Variants in EFNB2 observed in about 807,000 individuals in gnomAD.
The protein encoded by EFNB2 is ephrin B2, also known as ephrin-B2.
In EFNB2, 5 loss-of-function variants were observed where a neutral mutation model predicts 32.1. The ratio of observed to expected loss-of-function variants is 0.16; its 90% CI spans 0.08 to 0.33. EFNB2 has a LOEUF of 0.33. Ranked by LOEUF, EFNB2 falls within the 10% of genes least tolerant of loss-of-function variation. The pLI, the probability that EFNB2 is intolerant of heterozygous loss-of-function variation, is 1.00. For synonymous variants in EFNB2, 168 were observed against 166.5 expected (o/e 1.01, Z -0.07); for missense variants, 263 against 422.6 (o/e 0.62, Z 3.31).
intron 2 of EFNB2, among the ~76,000 whole-genome samples, chr13:106,504,953 GAATT>G (rs900650902): frequency 5.9e-5 from 9 of 152,086 alleles, no homozygotes; most frequent in Admixed American, 1.3e-4. Context: ...TGAAAAAATG[GAATT>G]AAGAGTATGT....
intron 1 of EFNB2, among the ~76,000 whole-genome samples, chr13:106,522,071 C>T (rs572483964): frequency 6.6e-6 from 1 of 151,230 alleles, no homozygotes; most frequent in Non-Finnish European, 1.5e-5. Context: ...AAAAACCACA[C>T]ACGCACCCCA....
At chr13:106,528,480 A>AAC (rs11432729) in intron 1 of EFNB2, among the ~76,000 whole-genome samples, 12 of 148,350 alleles carry the variant, frequency 8.1e-5, no homozygotes, top group African/African-American at 2.0e-4. Context: ...TAAAAAAAAA[A>AAC]AACAACAACA....
intron 1 of EFNB2, among the ~76,000 whole-genome samples, chr13:106,528,457 C>T (rs1879770248): frequency 6.8e-6 from 1 of 146,882 alleles, no homozygotes; most frequent in African/African-American, 2.6e-5. Flanking sequence ...TAGAAGGGCC[C>T]TATGCTGCTC....
chr13:106,510,418 G>A (rs1054973482), intron 2 of EFNB2, among the ~76,000 whole-genome samples: 4 of 152,108 alleles, frequency 2.6e-5, no homozygotes, highest in East Asian at 3.9e-4. Flanking sequence ...TTCCACTTGC[G>A]CCCAGTGCGA....
rs1453504071 is a variant in EFNB2, at chr13:106,491,213, T to G, written c.*1827A>C. The G allele has an allele frequency of 3.9e-5, 6 of 152,718 alleles. No homozygotes were observed. The East Asian group carries it at 9.7e-4, about 25-fold the overall frequency. The allele number at this position is 152,718 out of a possible 1,614,324, so 9.5% of individuals were successfully genotyped here. ...CGCAGAAATAAACGCCGGAACATCT[T>G]GTCATTGTTAAATATATGATGCAGT... is the stretch of plus-strand genomic sequence containing the variant. On this transcript the variant is annotated 3_prime_UTR_variant, in exon 5 of 5. Transcript: ENST00000646441.
intron 3 of EFNB2, 123 bp from the exon 4 acceptor site, chr13:106,495,117 T>A: frequency 1.4e-6 from 1 of 725,044 alleles, no homozygotes; most frequent in Non-Finnish European, 2.3e-6. Flanking sequence ...TGCAAAGTAC[T>A]GTGAAATACA....
chr13:106,505,842 G>A (rs1016559008), intron 2 of EFNB2, among the ~76,000 whole-genome samples: 2 of 152,134 alleles, frequency 1.3e-5, no homozygotes, highest in African/African-American at 4.8e-5. Flanking sequence ...GTTTTATTCT[G>A]AGCAATTCCT....
At position 106,493,436 on chromosome 13, in the gene EFNB2, C is replaced by T. The variant is rs553183986; in HGVS notation, c.614-8G>A. ...TGCCGTCTGTGCTAGAACCTGCAGA[C>T]GCGGAGACAGAAAAGGTCAGAGATA... On this transcript the variant is annotated splice_polypyrimidine_tract_variant and splice_region_variant and intron_variant, in intron 4 of 4. Coordinates refer to ENST00000646441, the MANE Select transcript of EFNB2 (RefSeq NM_004093.4). The surrounding 1 kb of genome is among the most constrained non-coding windows in gnomAD (Gnocchi z 6.1). 138 of 1,601,064 alleles carry T rather than the reference C, an allele frequency of 8.6e-5. No homozygotes were observed. Among genetic ancestry groups the T allele is most frequent in the Middle Eastern group, 3.3e-4 (2 of 5,992 alleles).
In EFNB2 at chr13:106,493,248, G is replaced by T. The variant is rs1464995228; in HGVS notation, c.794C>A (p.Thr265Asn). 4 of 1,614,090 alleles carry T rather than the reference G, an allele frequency of 2.5e-6. No homozygotes were observed. The highest frequency in any genetic ancestry group is 3.4e-6 in the Non-Finnish European group (4 of 1,180,046). ...GGCCAGTGTGCTGAGCGACAGCGTGGTCGTGTGCTGCGGCGAGTGCTTCCT... is the reference window on the plus strand; with the variant it reads ...GGCCAGTGTGCTGAGCGACAGCGTGTTCGTGTGCTGCGGCGAGTGCTTCCT... ...RHRKHSPQHT[T>N]TLSLSTLATP... The change falls in exon 5 of 5, where the codon ACC (threonine) becomes AAC (asparagine). Residue 265 changes from threonine to asparagine, a missense_variant. By Grantham distance (65) the Thr-to-Asn change is moderately conservative. This residue lies in a region of EFNB2 where 172 missense variants were observed against 237.1 expected (regional missense o/e 0.73). Transcript: ENST00000646441. The surrounding 1 kb of genome is among the most constrained non-coding windows in gnomAD (Gnocchi z 6.1).
chr13:106,497,492 A>G (rs564046133), intron 2 of EFNB2, among the ~76,000 whole-genome samples: 2 of 151,962 alleles, frequency 1.3e-5, no homozygotes, highest in African/African-American at 4.8e-5. Flanking sequence ...AATTTTGTAC[A>G]CTTCTGTGAA....
Position 106,534,952 on chromosome 13 carries a change from T to C in EFNB2, c.13A>G (p.Arg5Gly), listed in dbSNP as rs376463336. ...CAGCAGTACTTCCACACGGAGTCCC[T>C]TCTCACAGCCATGGCGAAGCCACTC... is the stretch of plus-strand genomic sequence containing the variant. MAVRRDSVWKYCWGV... is the reference protein window; with the variant it reads MAVRGDSVWKYCWGV... The change falls in exon 1 of 5, where the codon AGG (arginine) becomes GGG (glycine). Residue 5 changes from arginine (R) to glycine (G), a missense_variant. Arg to Gly is a moderately radical substitution (Grantham distance 125). Coordinates refer to ENST00000646441, the MANE Select transcript of EFNB2 (RefSeq NM_004093.4). 15 of 1,613,108 alleles carry C rather than the reference T, an allele frequency of 9.3e-6. No individual in the cohort carries two copies. Among genetic ancestry groups the C allele is most frequent in the African/African-American group, 2.7e-5 (2 of 74,908 alleles).
intron 4 of EFNB2, 96 bp downstream of exon 4, chr13:106,494,785 C>T: frequency 3.4e-6 from 3 of 894,026 alleles, no homozygotes; most frequent in Non-Finnish European, 5.4e-6. Flanking sequence ...CTAATCCTAA[C>T]TGGTTAGAAG....
At chr13:106,496,367 T>C (rs910775081) in intron 2 of EFNB2, among the ~76,000 whole-genome samples, 1 of 152,218 alleles carries the variant, frequency 6.6e-6, no homozygotes. Flanking sequence ...TTTTTCAGCC[T>C]TATGCATGCT....
chr13:106,522,102 T>C (rs1202219205), intron 1 of EFNB2, among the ~76,000 whole-genome samples: 1 of 151,880 alleles, frequency 6.6e-6, no homozygotes, highest in Non-Finnish European at 1.5e-5. Context: ...CCTATGAATT[T>C]TGTAGCTAGA....
chr13:106,514,516 A>T (rs1208254329), intron 1 of EFNB2, among the ~76,000 whole-genome samples: 1 of 152,226 alleles, frequency 6.6e-6, no homozygotes, highest in African/African-American at 2.4e-5. Flanking sequence ...ACACACAGTA[A>T]TTCTGATGTG....
chr13:106,533,197 G>T (rs1289385384), intron 1 of EFNB2, among the ~76,000 whole-genome samples: 1 of 151,392 alleles, frequency 6.6e-6, no homozygotes, highest in African/African-American at 2.4e-5. Flanking sequence ...GGCGCTGCGC[G>T]ATTCCGCATG....
chr13:106,504,120 T>C (rs1019475153), intron 2 of EFNB2, among the ~76,000 whole-genome samples: 3 of 152,236 alleles, frequency 2.0e-5, no homozygotes, highest in South Asian at 4.1e-4. Context: ...CATTAAAATA[T>C]CCTTGCCAAG....
intron 1 of EFNB2, among the ~76,000 whole-genome samples, chr13:106,530,097 T>A (rs1344331965): frequency 6.6e-6 from 1 of 152,226 alleles, no homozygotes; most frequent in Non-Finnish European, 1.5e-5. Flanking sequence ...ACGGTTTACA[T>A]CTTCCATCAT....
At chr13:106,534,046 G>C (rs886544065) in intron 1 of EFNB2, among the ~76,000 whole-genome samples, 3 of 152,174 alleles carry the variant, frequency 2.0e-5, no homozygotes, top group African/African-American at 7.2e-5. Flanking sequence ...CCAGGGTCCC[G>C]AGGGAGAAGG....
Sources: allele counts gnomAD v4.1 joint callset (sites outside exome capture counted in the v4.1 genomes callset), GRCh38; gene constraint gnomAD v4.1.1; regional missense constraint gnomAD v4.1.1; non-coding constraint Gnocchi (gnomAD v3.1); transcripts MANE v1.5; gene names NCBI Gene and HGNC (gene_info 2026-07-23, HGNC 2026-07-21).